WDR41: variants seen among roughly 807,000 people sequenced by gnomAD.
WDR41 encodes WD repeat domain 41.
A neutral mutation model predicts 69.3 loss-of-function variants in WDR41; 63 were observed. The observed-to-expected ratio is 0.91, with a 90% CI of 0.74 to 1.12. The LOEUF is 1.12. Ranked by LOEUF, WDR41 falls within the 50% of genes most tolerant of loss-of-function variation. The pLI, the probability that WDR41 is intolerant of heterozygous loss-of-function variation, is 0.00. For missense variants in WDR41, 543 were observed against 534.5 expected (o/e 1.02, Z -0.16); for synonymous variants, 185 against 192.1 (o/e 0.96, Z 0.31).
intron 1 of WDR41, among the ~76,000 whole-genome samples, chr5:77,590,101 A>T (rs1179804567): frequency 6.6e-6 from 1 of 151,810 alleles, no homozygotes; most frequent in South Asian, 2.1e-4. Context: ...TTTGTCTTTT[A>T]TTCTATGAAT....
At chr5:77,509,717 A>G (rs975813449) in intron 1 of WDR41, among the ~76,000 whole-genome samples, 1 of 152,194 alleles carries the variant, frequency 6.6e-6, no homozygotes, top group Non-Finnish European at 1.5e-5. Flanking sequence ...ATGGTAGCAA[A>G]AGATATAAGG....
chr5:77,439,744 T>C (rs1169672755), intron 9 of WDR41, among the ~76,000 whole-genome samples: 1 of 152,194 alleles, frequency 6.6e-6, no homozygotes, highest in Admixed American at 6.5e-5. Flanking sequence ...ATCAAGCATA[T>C]ATAGTAGAAA....
chr5:77,467,890 A>G (rs545582861), intron 2 of WDR41, among the ~76,000 whole-genome samples: 19 of 152,136 alleles, frequency 1.2e-4, no homozygotes, highest in South Asian at 4.1e-4. Context: ...ATAAATTTCT[A>G]TATTTTTTCA....
At chr5:77,516,337 A>G (rs1400771483) in intron 1 of WDR41, among the ~76,000 whole-genome samples, 1 of 152,212 alleles carries the variant, frequency 6.6e-6, no homozygotes, top group Non-Finnish European at 1.5e-5. Context: ...GAGGATGGAC[A>G]AAATGAATGT....
At chr5:77,542,298 A>T (rs1165863294) in intron 1 of WDR41, among the ~76,000 whole-genome samples, 1 of 152,152 alleles carries the variant, frequency 6.6e-6, no homozygotes, top group Admixed American at 6.5e-5. Context: ...GAGGAGGGAG[A>T]GCATCAGGAA....
intron 8 of WDR41, among the ~76,000 whole-genome samples, chr5:77,443,805 T>C (rs1799266327): frequency 6.6e-6 from 1 of 151,028 alleles, no homozygotes; most frequent in Admixed American, 6.6e-5. Flanking sequence ...CTCCATGCAG[T>C]AGAAACAAAA....
At chr5:77,509,816 C>T (rs1802171417) in intron 1 of WDR41, among the ~76,000 whole-genome samples, 1 of 152,176 alleles carries the variant, frequency 6.6e-6, no homozygotes, top group African/African-American at 2.4e-5. Flanking sequence ...AAATTGTATA[C>T]TTTAAATGGG....
chr5:77,474,763 TCA>T (rs1377048963), intron 2 of WDR41, among the ~76,000 whole-genome samples: 1 of 152,178 alleles, frequency 6.6e-6, no homozygotes, highest in Non-Finnish European at 1.5e-5. Context: ...CCTTCCCAAA[TCA>T]CAGATAGAAA....
At chr5:77,482,535 G>T (rs1801319723) in intron 2 of WDR41, among the ~76,000 whole-genome samples, 1 of 151,336 alleles carries the variant, frequency 6.6e-6, no homozygotes, top group Admixed American at 6.6e-5. Flanking sequence ...TTCCTGTGCT[G>T]TTATCCAACA....
rs778461981 is a variant in WDR41, at chr5:77,600,921, C to CTGTG, written c.42+19554_42+19557dup. ...ATAACTAAAATTATATTATCTAACT[C>CTGTG]TGTGTGTATGTGTGTGTGTGTGTGT... is the stretch of plus-strand genomic sequence containing the variant. On this transcript the variant is annotated intron_variant, in intron 1 of 5. Coordinates refer to the WDR41 transcript ENST00000509971. Among the ~76,000 whole-genome samples the CTGTG allele has an allele frequency of 1.0e-3, 108 of 106,474 alleles. 1 individual carries two copies. The highest frequency in any genetic ancestry group is 8.8e-3 in the Middle Eastern group (2 of 228). The allele number at this position is 106,474 out of a possible 152,430, so 69.9% of individuals were successfully genotyped here. A position where few individuals can be genotyped will look rare whatever the true frequency, so the allele number is the denominator to read the frequency against.
rs1402957901 is a variant in WDR41, at chr5:77,433,058, A to G, written c.*77T>C. The G allele has an allele frequency of 4.9e-6, 7 of 1,433,142 alleles. No individual in the cohort carries two copies. The highest frequency in any genetic ancestry group is 6.5e-6 in the Non-Finnish European group (7 of 1,078,926). 88.8% of individuals were successfully genotyped at this position (1,433,142 alleles called of 1,614,324 possible). A position where few individuals can be genotyped will look rare whatever the true frequency, so the allele number is the denominator to read the frequency against. On this transcript the variant is annotated 3_prime_UTR_variant, in exon 13 of 13. Transcript: ENST00000296679. ...AAAAAATTACCAATTTAAGTGATCA[A>G]TATATTAATGGTTTTCAGAGTAGTA...
intron 1 of WDR41, among the ~76,000 whole-genome samples, chr5:77,500,010 T>C (rs1801993260): frequency 6.6e-6 from 1 of 152,166 alleles, no homozygotes. Context: ...CCAAGTTTCA[T>C]AGTGTCATAT....
At chr5:77,448,523 ACTCT>A (rs1035962312) in intron 8 of WDR41, among the ~76,000 whole-genome samples, 4 of 151,984 alleles carry the variant, frequency 2.6e-5, no homozygotes, top group Non-Finnish European at 5.9e-5. Flanking sequence ...TAGACTTGGT[ACTCT>A]CTGTGTCCCT....
intron 12 of WDR41, among the ~76,000 whole-genome samples, chr5:77,434,865 C>G (rs1798878870): frequency 6.6e-6 from 1 of 152,106 alleles, no homozygotes; most frequent in Non-Finnish European, 1.5e-5. Context: ...GTGCCACATT[C>G]AAACACATTT....
chr5:77,453,227 T>C (rs531623419), intron 6 of WDR41, among the ~76,000 whole-genome samples: 1 of 152,232 alleles, frequency 6.6e-6, no homozygotes, highest in Non-Finnish European at 1.5e-5. Flanking sequence ...CATTTGATTA[T>C]TTTTAGAAAT....
chr5:77,610,186 G>A (rs1008611941), intron 1 of WDR41, among the ~76,000 whole-genome samples: 4 of 152,250 alleles, frequency 2.6e-5, no homozygotes, highest in Non-Finnish European at 4.4e-5. Flanking sequence ...TCTGATTGCT[G>A]TACCTGAAAG....
At chr5:77,515,238 TAG>T (rs1219480500) in intron 1 of WDR41, among the ~76,000 whole-genome samples, 2 of 152,176 alleles carry the variant, frequency 1.3e-5, no homozygotes, top group Non-Finnish European at 2.9e-5. Flanking sequence ...TTTCTATTTT[TAG>T]AGTTTTCTAT....
intron 1 of WDR41, among the ~76,000 whole-genome samples, chr5:77,606,095 T>G (rs891077690): frequency 9.9e-5 from 15 of 152,174 alleles, no homozygotes; most frequent in Non-Finnish European, 1.8e-4. Context: ...TTTTATACCT[T>G]CCAAGCAGAA....
intron 1 of WDR41, among the ~76,000 whole-genome samples, chr5:77,575,569 A>G (rs1281807107): frequency 6.6e-6 from 1 of 152,222 alleles, no homozygotes; most frequent in East Asian, 1.9e-4. Flanking sequence ...ATAATGCTAT[A>G]GCACACCAAA....
Sources: gnomAD v4.1 joint callset for allele counts (sites outside exome capture counted in the v4.1 genomes callset) on GRCh38, gnomAD v4.1.1 for gene constraint, MANE v1.5 for transcripts, NCBI Gene and HGNC (gene_info 2026-07-23, HGNC 2026-07-21) for gene names.